RIN3: variants seen among roughly 807,000 people sequenced by gnomAD.
RIN3 encodes Ras and Rab interactor 3.
A neutral mutation model predicts 76.3 loss-of-function variants in RIN3; 54 were observed. That is an observed-to-expected ratio of 0.71 (90% CI 0.57 to 0.89). The LOEUF is 0.89. Among genes scored for constraint, RIN3 ranks in the 40% least tolerant of loss-of-function variants. The pLI is 0.00. For synonymous variants in RIN3, 576 were observed against 564.0 expected (o/e 1.02, Z -0.30); for missense variants, 1,256 against 1,322.1 (o/e 0.95, Z 0.78).
intron 6 of RIN3, 143 bp downstream of exon 6, chr14:92,653,218 C>G: frequency 1.1e-6 from 1 of 884,298 alleles, no homozygotes; most frequent in Non-Finnish European, 1.7e-6. Flanking sequence ...GGAACTTTCT[C>G]TGGCTGCTGC....
At chr14:92,615,121 A>T (rs928465852) in intron 3 of RIN3, among the ~76,000 whole-genome samples, 1 of 152,086 alleles carries the variant, frequency 6.6e-6, no homozygotes. Flanking sequence ...GATTACAAGC[A>T]TGAGCCACTG....
chr14:92,583,708 C>G (rs1250440979), intron 3 of RIN3, among the ~76,000 whole-genome samples: 1 of 152,210 alleles, frequency 6.6e-6, no homozygotes, highest in Non-Finnish European at 1.5e-5. Context: ...GTTTTTGGCA[C>G]CAGCTTCATC....
chr14:92,518,446 C>G (rs1485303601), intron 1 of RIN3, among the ~76,000 whole-genome samples: 1 of 152,164 alleles, frequency 6.6e-6, no homozygotes, highest in African/African-American at 2.4e-5. Context: ...GGGGGAGACC[C>G]AGGGCTTGGG....
At chr14:92,562,945 G>C (rs774900920) in intron 2 of RIN3, among the ~76,000 whole-genome samples, 3 of 152,138 alleles carry the variant, frequency 2.0e-5, no homozygotes, top group South Asian at 2.1e-4. Flanking sequence ...GAGGTGAAAG[G>C]TTGGGTCAAA....
chr14:92,550,125 G>T (rs535145597), intron 1 of RIN3, among the ~76,000 whole-genome samples: 1 of 152,226 alleles, frequency 6.6e-6, no homozygotes, highest in East Asian at 1.9e-4. Flanking sequence ...CAAAGCCTGC[G>T]TGTCACCCAC....
At chr14:92,679,072 T>G (rs1390222831) in intron 8 of RIN3, among the ~76,000 whole-genome samples, 1 of 152,138 alleles carries the variant, frequency 6.6e-6, no homozygotes, top group African/African-American at 2.4e-5. Flanking sequence ...ACAGAGAAGT[T>G]CTCGAGGCCA....
intron 4 of RIN3, among the ~76,000 whole-genome samples, chr14:92,627,351 A>T (rs1345454650): frequency 6.6e-6 from 1 of 152,214 alleles, no homozygotes; most frequent in African/African-American, 2.4e-5. Context: ...CCCTCTTAGC[A>T]TTGGCATGCA....
rs961048641 is a variant in RIN3, at chr14:92,681,381, G to A, written c.2468-3606G>A. Among the ~76,000 whole-genome samples, 2 of 152,198 alleles carry A rather than the reference G, an allele frequency of 1.3e-5. No individual in the cohort carries two copies. Among genetic ancestry groups the A allele is most frequent in the African/African-American group, 4.8e-5 (2 of 41,438 alleles). ...GCGTGGCTGCTCCCCTTTCACCTGC[G>A]AGGGTGAGACACCCCCAGAGCACCT... is the stretch of plus-strand genomic sequence containing the variant. On this transcript the variant is annotated intron_variant, in intron 8 of 9. Transcript: ENST00000216487. This position sits in a 1 kb window ranked among gnomAD's most constrained non-coding sequence, Gnocchi z 4.7.
intron 1 of RIN3, among the ~76,000 whole-genome samples, chr14:92,547,707 A>G (rs1897321616): frequency 7.1e-6 from 1 of 140,358 alleles, no homozygotes; most frequent in African/African-American, 2.7e-5. Context: ...ATTTAAGATG[A>G]TTGTTTTCTT....
intron 2 of RIN3, among the ~76,000 whole-genome samples, chr14:92,557,135 C>T (rs183783774): frequency 3.3e-4 from 50 of 152,330 alleles, no homozygotes; most frequent in African/African-American, 1.1e-3. Flanking sequence ...ATTCACGTAG[C>T]GGCAAGCATT....
At position 92,656,989 on chromosome 14, in the gene RIN3, T is replaced by C. The variant is rs1390332658; in HGVS notation, c.2027-2172T>C. Among the ~76,000 whole-genome samples, 1 of 152,190 alleles carries C rather than the reference T, an allele frequency of 6.6e-6. No homozygotes were observed. Among genetic ancestry groups the C allele is most frequent in the Non-Finnish European group, 1.5e-5 (1 of 68,032 alleles). ...CAGCCCTTTCCATGAGCTGAGTCTCTGCCTCTGCCTCTCCCTTCCAAGCTC... is the reference window on the plus strand; with the variant it reads ...CAGCCCTTTCCATGAGCTGAGTCTCCGCCTCTGCCTCTCCCTTCCAAGCTC... On this transcript the variant is annotated intron_variant, in intron 6 of 9. Coordinates refer to ENST00000216487, the MANE Select transcript of RIN3 (RefSeq NM_024832.5). This position sits in a 1 kb window ranked among gnomAD's most constrained non-coding sequence, Gnocchi z 5.2.
chr14:92,536,923 A>G (rs976028360), intron 1 of RIN3, among the ~76,000 whole-genome samples: 1 of 152,162 alleles, frequency 6.6e-6, no homozygotes, highest in African/African-American at 2.4e-5. Flanking sequence ...AACCAGCAAC[A>G]GCAATGCATG....
At chr14:92,547,763 G>A (rs1370086551) in intron 1 of RIN3, among the ~76,000 whole-genome samples, 1 of 152,020 alleles carries the variant, frequency 6.6e-6, no homozygotes, top group Non-Finnish European at 1.5e-5. Flanking sequence ...GAGTGCAGTG[G>A]CACCATCTCA....
At chr14:92,601,748 C>T (rs1885353186) in intron 3 of RIN3, among the ~76,000 whole-genome samples, 1 of 152,188 alleles carries the variant, frequency 6.6e-6, no homozygotes, top group African/African-American at 2.4e-5. Flanking sequence ...AGCATCTCCC[C>T]TGACTCCTTC....
rs531255436 is a variant in RIN3, at chr14:92,586,067, C to T, written c.367+8590C>T. On this transcript the variant is annotated intron_variant, in intron 3 of 9. Coordinates refer to ENST00000216487, the MANE Select transcript of RIN3 (RefSeq NM_024832.5). ...TTACTTAATTTCTCTGCTTCACTTT[C>T]CTCATCTGCAACATGGGAACTCTGC... Among the ~76,000 whole-genome samples, 73 of 152,344 alleles carry T rather than the reference C, an allele frequency of 4.8e-4. No individual in the cohort carries two copies. The Middle Eastern group carries it at 0.014, about 28-fold the overall frequency.
chr14:92,623,833 T>C lies in RIN3; in HGVS notation c.440+8354T>C, dbSNP rs926628231. Among the ~76,000 whole-genome samples, 2 of 152,242 alleles carry C rather than the reference T, an allele frequency of 1.3e-5. No homozygotes were observed. Among genetic ancestry groups the C allele is most frequent in the African/African-American group, 2.4e-5 (1 of 41,470 alleles). On this transcript the variant is annotated intron_variant, in intron 4 of 9. Coordinates refer to ENST00000216487, the MANE Select transcript of RIN3 (RefSeq NM_024832.5). The surrounding 1 kb of genome is among the most constrained non-coding windows in gnomAD (Gnocchi z 4.9). ...GGTCCCCAAGAAACTCCAAATTTTT[T>C]CCCTGTCGTGAGAGACAGGAAGTAA...
intron 7 of RIN3, among the ~76,000 whole-genome samples, chr14:92,665,305 C>CG (rs2140157344): frequency 1.3e-5 from 2 of 151,108 alleles, no homozygotes; most frequent in African/African-American, 4.9e-5. Flanking sequence ...CCGTCATATA[C>CG]GTGGTCCATC....
chr14:92,548,040 A>G lies in RIN3; in HGVS notation c.45-7711A>G, dbSNP rs117042314. Among the ~76,000 whole-genome samples, 1,003 of 152,256 alleles carry G rather than the reference A, an allele frequency of 6.6e-3. 7 individuals carry two copies. The highest frequency in any genetic ancestry group is 0.011 in the Non-Finnish European group (742 of 68,012). ...ATTTTAAATCATGTTAGCAATGCAT[A>G]ATTATTATAAAAATTTGAAACAAAC... is the stretch of plus-strand genomic sequence containing the variant. On this transcript the variant is annotated intron_variant, in intron 1 of 9. Transcript: ENST00000216487.
chr14:92,600,838 C>T (rs896243899), intron 3 of RIN3, among the ~76,000 whole-genome samples: 1 of 152,220 alleles, frequency 6.6e-6, no homozygotes, highest in African/African-American at 2.4e-5. Context: ...AGCAGTATCC[C>T]CGGGCTCTGT....
Sources: allele counts gnomAD v4.1 joint callset (sites outside exome capture counted in the v4.1 genomes callset), GRCh38; gene constraint gnomAD v4.1.1; non-coding constraint Gnocchi (gnomAD v3.1); transcripts MANE v1.5; gene names NCBI Gene and HGNC (gene_info 2026-07-23, HGNC 2026-07-21).